PCDHA5: variants seen among roughly 807,000 people sequenced by gnomAD.
The protein encoded by PCDHA5 is protocadherin alpha-5.
In PCDHA5, 43 loss-of-function variants were observed where a neutral mutation model predicts 61.6. That is an observed-to-expected ratio of 0.70 (90% confidence interval 0.55 to 0.90). PCDHA5 has a LOEUF of 0.90. Among genes scored for constraint, PCDHA5 ranks in the 40% least tolerant of loss-of-function variants. The probability of loss-of-function intolerance (pLI) is 0.00; values close to 1 mark genes in which losing one functional copy is unlikely to be tolerated. For synonymous variants in PCDHA5, 627 were observed against 543.9 expected (o/e 1.15, Z -2.13); for missense variants, 1,298 against 1,222.7 (o/e 1.06, Z -0.92).
At chr5:140,896,710 T>C (rs1231459059) in intron 1 of PCDHA5, among the ~76,000 whole-genome samples, 2 of 152,160 alleles carry the variant, frequency 1.3e-5, no homozygotes, top group Non-Finnish European at 2.9e-5. Flanking sequence ...TGTTTGTTTT[T>C]TGCTTGTTAA....
chr5:140,950,426 ACT>A (rs1554219446), intron 1 of PCDHA5, among the ~76,000 whole-genome samples: 5 of 151,872 alleles, frequency 3.3e-5, no homozygotes, highest in African/African-American at 1.2e-4. Flanking sequence ...ATTTTCTTCC[ACT>A]TAAAAAAAAT....
At chr5:140,846,889 C>A (rs1378591011) in intron 1 of PCDHA5, among the ~76,000 whole-genome samples, 1 of 149,358 alleles carries the variant, frequency 6.7e-6, no homozygotes. Flanking sequence ...ATCAGAATGA[C>A]GTTGAAGTTG....
intron 3 of PCDHA5, among the ~76,000 whole-genome samples, chr5:140,989,538 T>TAAA (rs2097347158): frequency 6.6e-6 from 1 of 152,180 alleles, no homozygotes; most frequent in Non-Finnish European, 1.5e-5. Flanking sequence ...GAAGATAGTT[T>TAAA]GTAATTCCTT....
At chr5:140,866,070 T>C (rs1446078370) in intron 1 of PCDHA5, 1 of 152,178 alleles carries the variant, frequency 6.6e-6, no homozygotes, top group Non-Finnish European at 1.5e-5. Flanking sequence ...CACACTGAGA[T>C]AGGTATTTTG....
At chr5:140,834,093 G>A (rs1772786951) in intron 1 of PCDHA5, among the ~76,000 whole-genome samples, 1 of 152,132 alleles carries the variant, frequency 6.6e-6, no homozygotes, top group Non-Finnish European at 1.5e-5. Flanking sequence ...TAACAACAAT[G>A]AAGAAAAAAA....
At chr5:140,946,287 A>G (rs1484519782) in intron 1 of PCDHA5, among the ~76,000 whole-genome samples, 1 of 152,032 alleles carries the variant, frequency 6.6e-6, no homozygotes, top group African/African-American at 2.4e-5. Flanking sequence ...ATGAGATATC[A>G]CCTCACACCT....
At chr5:140,930,175 G>A (rs1554207630) in intron 1 of PCDHA5, 2 of 152,134 alleles carry the variant, frequency 1.3e-5, no homozygotes, top group African/African-American at 4.8e-5. Context: ...TTACAAAGAG[G>A]AAAGATGAGT....
intron 1 of PCDHA5, chr5:140,877,379 TC>T (rs1169435329): frequency 1.9e-6 from 3 of 1,613,950 alleles, no homozygotes. Flanking sequence ...ACGACACGCA[TC>T]CTGGATGAGG....
chr5:140,925,124 A>AGGAAGGAAGGAAGGAAGGAAGG, intron 1 of PCDHA5, among the ~76,000 whole-genome samples: 1 of 151,856 alleles, frequency 6.6e-6, no homozygotes, highest in South Asian at 2.1e-4. Flanking sequence ...GAAGGAAGGA[A>AGGAAGGAAGGAAGGAAGGAAGG]AAAAAATTTC....
chr5:140,841,872 CA>C, intron 1 of PCDHA5: 1 of 1,613,796 alleles, frequency 6.2e-7, no homozygotes, highest in Non-Finnish European at 8.5e-7. Context: ...GATGTGAATT[CA>C]AAGAACGATG....
intron 1 of PCDHA5, chr5:140,830,336 T>G (rs1207479341): frequency 6.2e-7 from 1 of 1,613,688 alleles, no homozygotes; most frequent in Admixed American, 1.7e-5. Flanking sequence ...GGGGAGCTGG[T>G]CGTACTCGCA....
At chr5:140,824,898 T>A (rs1443268560) in intron 1 of PCDHA5, 1 of 152,162 alleles carries the variant, frequency 6.6e-6, no homozygotes, top group Non-Finnish European at 1.5e-5. Context: ...CAACTTTGCC[T>A]AAGCAGTTCA....
Position 140,850,649 on chromosome 5 carries a change from C to T in PCDHA5, c.2352+26522C>T, listed in dbSNP as rs1413606456. The T allele has an allele frequency of 2.5e-6, 4 of 1,598,500 alleles. 1 individual carries two copies. Among genetic ancestry groups the T allele is most frequent in the Non-Finnish European group, 2.6e-6 (3 of 1,167,902 alleles). ...TGTTGGTTCTCACGCTGCTGCTGTA[C>T]ACTGTGCTGCGGTGCTCGGCGATGC... On this transcript the variant is annotated intron_variant, in intron 1 of 3. Transcript: ENST00000529859.
At chr5:140,866,372 A>G (rs1260781135) in intron 1 of PCDHA5, 2 of 152,168 alleles carry the variant, frequency 1.3e-5, no homozygotes, top group Non-Finnish European at 2.9e-5. Flanking sequence ...GCATACTTCA[A>G]TAACAATTTT....
intron 1 of PCDHA5, chr5:140,876,854 C>CA (rs1554169042): frequency 6.2e-7 from 1 of 1,613,994 alleles, no homozygotes; most frequent in Non-Finnish European, 8.5e-7. Context: ...CCCGAGTACA[C>CA]AGTGTTCGTG....
chr5:140,917,837 T>G (rs2078388052), intron 1 of PCDHA5, among the ~76,000 whole-genome samples: 1 of 152,174 alleles, frequency 6.6e-6, no homozygotes, highest in Non-Finnish European at 1.5e-5. Context: ...GATGTCCTTC[T>G]TGTTCTTTTT....
intron 3 of PCDHA5, among the ~76,000 whole-genome samples, chr5:140,989,525 GAGGA>G (rs2097345403): frequency 6.6e-6 from 1 of 152,218 alleles, no homozygotes; most frequent in African/African-American, 2.4e-5. Flanking sequence ...GAGGGCAGAG[GAGGA>G]AGATAGTTTG....
In PCDHA5 at chr5:140,823,668, C is replaced by A. The variant is rs2150128127; in HGVS notation, c.1893C>A (p.Ser631Arg). Residue 631 changes from serine to arginine, a missense_variant, in exon 1 of 4, where the codon AGC (serine) becomes AGA (arginine). Physicochemically the swap from Ser to Arg is moderately radical, Grantham distance 110. Coordinates refer to ENST00000529859, the MANE Select transcript of PCDHA5 (RefSeq NM_018908.3). ...FRVGLYTGEI[S>R]TTRSLDETEA... is the part of the protein sequence containing the mutation. ...TGGGGCTGTACACAGGCGAGATCAG[C>A]ACAACACGCTCTCTGGATGAGACCG... 6.2e-7 allele frequency: 1 copy of A among 1,614,060 alleles called. No individual in the cohort carries two copies. Among genetic ancestry groups the A allele is most frequent in the Non-Finnish European group, 8.5e-7 (1 of 1,179,960 alleles).
At chr5:140,849,902 G>A (rs1297576408) in intron 1 of PCDHA5, 3 of 1,598,418 alleles carry the variant, frequency 1.9e-6, no homozygotes, top group Non-Finnish European at 2.6e-6. Context: ...AGAACAACCC[G>A]CCGGGCTGCC....
Sources: gnomAD v4.1 joint callset for allele counts (sites outside exome capture counted in the v4.1 genomes callset) on GRCh38, gnomAD v4.1.1 for gene constraint, MANE v1.5 for transcripts, NCBI Gene and HGNC (gene_info 2026-07-23, HGNC 2026-07-21) for gene names.